TFR2: variants seen among roughly 807,000 people sequenced by gnomAD.
TFR2 encodes transferrin receptor 2, also known as transferrin receptor protein 2.
TFR2 carries 64 observed loss-of-function variants against 91.9 expected under a neutral mutation model. The observed-to-expected ratio is 0.70, with a 90% CI of 0.57 to 0.86. The LOEUF is 0.86. Ranked by LOEUF, TFR2 falls within the 40% of genes least tolerant of loss-of-function variation. The probability of loss-of-function intolerance (pLI) is 0.00; values close to 1 mark genes in which losing one functional copy is unlikely to be tolerated. For missense variants in TFR2, 950 were observed against 1,080.5 expected (o/e 0.88, Z 1.69); for synonymous variants, 454 against 459.6 (o/e 0.99, Z 0.15).
At position 100,626,866 on chromosome 7, in the gene TFR2, C is replaced by G. The variant is rs786204108; in HGVS notation, c.2033G>C (p.Arg678Pro). Residue 678 changes from arginine to proline, a missense_variant, in exon 17 of 18, where the codon CGG (arginine) becomes CCG (proline). Physicochemically the swap from Arg to Pro is moderately radical, Grantham distance 103 (BLOSUM62 -2). Coordinates refer to ENST00000223051, the MANE Select transcript of TFR2 (RefSeq NM_003227.4). The stretch of plus-strand genomic sequence containing the variant: ...TTCCGCCGCCCGGATGTAGTCCCCC[C>G]GCGCCGAGTACACCCACTGCAGGGT... ...GLTLQWVYSA[R>P]GDYIRAAEKL... The G allele has an allele frequency of 7.8e-6, 12 of 1,547,720 alleles. No homozygotes were observed. The highest frequency in any genetic ancestry group is 2.0e-5 in the Admixed American group (1 of 51,068).
intron 17 of TFR2, 85 bp downstream of exon 17, chr7:100,626,678 C>G: frequency 6.6e-7 from 1 of 1,515,504 alleles, no homozygotes; most frequent in Non-Finnish European, 8.8e-7. Flanking sequence ...GAGAGAGGAG[C>G]GCGCAGACGG....
intron 10 of TFR2, among the ~76,000 whole-genome samples, 169 bp from the exon 11 acceptor site, chr7:100,628,475 A>G (rs1042725482): frequency 6.7e-6 from 1 of 149,784 alleles, no homozygotes; most frequent in African/African-American, 2.5e-5. Context: ...TCATGGCTCA[A>G]TGTAGCCTTG....
Position 100,627,627 on chromosome 7 carries a change from A to T in TFR2, c.1717T>A (p.Ser573Thr). 6.2e-7 allele frequency: 1 copy of T among 1,614,138 alleles called. No homozygotes were observed. The highest frequency in any genetic ancestry group is 8.5e-7 in the Non-Finnish European group (1 of 1,180,002). The change falls in exon 15 of 18, where the codon TCC becomes ACC. Residue 573 changes from serine to threonine, a missense_variant. Physicochemically the swap from Ser to Thr is moderately conservative, Grantham distance 58. Transcript: ENST00000223051. ...RPLPMDSSAY[S>T]FTAFVGVPAV... ...GGGACTCCCACAAAGGCCGTGAAGG[A>T]ATAGGCACTGCTGTCCATGGGTAGG... is the stretch of plus-strand genomic sequence containing the variant.
Position 100,629,368 on chromosome 7 carries a change from G to A in TFR2, c.1275C>T (p.His425=), listed in dbSNP as rs746034002. The A allele has an allele frequency of 5.6e-6, 9 of 1,613,824 alleles. No individual in the cohort carries two copies. In the African/African-American group the frequency reaches 1.2e-4, roughly 22 times the overall value. ...GCIEGRSEPD[H]YVVIGAQRDA... is the part of the protein sequence containing the mutation. ...CCCTCTGGGCCCCGATGACAACGTA[G>A]TGATCTGGGGAGGGGATGTTTGGGA... Residue 425 remains histidine, a synonymous_variant, in exon 10 of 18, where the codon CAC becomes CAT. Transcript: ENST00000223051.
rs987977631 is a variant in TFR2 at position 100,628,115 on chromosome 7, G to C, written c.1495C>G (p.Leu499Val). 6.8e-6 allele frequency: 11 copies of C among 1,614,100 alleles called. No homozygotes were observed. The highest frequency in any genetic ancestry group is 9.3e-6 in the Non-Finnish European group (11 of 1,180,006). Residue 499 changes from leucine (L) to valine (V), a missense_variant, in exon 12 of 18, where the codon CTC becomes GTC. Leu to Val is a conservative substitution (Grantham distance 32). Coordinates refer to ENST00000223051, the MANE Select transcript of TFR2 (RefSeq NM_003227.4). The stretch of plus-strand genomic sequence containing the variant: ...AGGCTCACGTACACTACGGCTTTGA[G>C]GTGCAGCACGCTGAGGTAGCCCTGT... Reference protein sequence around the residue: ...WLEGYLSVLHLKAVVYVSLDN... With the variant: ...WLEGYLSVLHVKAVVYVSLDN...
At chr7:100,632,765 A>C (rs1803484028) in intron 6 of TFR2, 2 of 287,162 alleles carry the variant, frequency 7.0e-6, no homozygotes, top group Admixed American at 5.0e-5. Flanking sequence ...TTTTTAGTAG[A>C]GAGGGGGTTC....
rs762216388 is a variant in TFR2 at position 100,629,364 on chromosome 7, C to T, written c.1279G>A (p.Val427Ile). 102 of 1,613,834 alleles carry T rather than the reference C, an allele frequency of 6.3e-5. No individual in the cohort carries two copies. Among genetic ancestry groups the T allele is most frequent in the Admixed American group, 8.3e-5 (5 of 59,992 alleles). Reference sequence around the variant, plus strand: ...GCATCCCTCTGGGCCCCGATGACAACGTAGTGATCTGGGGAGGGGATGTTT... The same window carrying T: ...GCATCCCTCTGGGCCCCGATGACAATGTAGTGATCTGGGGAGGGGATGTTT... Reference protein sequence around the residue: ...IEGRSEPDHYVVIGAQRDAWG... With the variant: ...IEGRSEPDHYIVIGAQRDAWG... The change falls in exon 10 of 18, where the codon GTT becomes ATT. Residue 427 changes from valine to isoleucine, a missense_variant. Physicochemically the swap from Val to Ile is conservative, Grantham distance 29. Coordinates refer to ENST00000223051, the MANE Select transcript of TFR2 (RefSeq NM_003227.4).
In TFR2 at chr7:100,621,178, A is replaced by AAG. The variant is rs995584866; in HGVS notation, c.2137-54_2137-53dup. 1.0e-5 allele frequency: 15 copies of AAG among 1,442,374 alleles called. No homozygotes were observed. In the Admixed American group the frequency reaches 2.0e-4, roughly 19 times the overall value. The allele number at this position is 1,442,374 out of a possible 1,614,324, so 89.3% of individuals were successfully genotyped here. On this transcript the variant is annotated intron_variant, in intron 17 of 17. Transcript: ENST00000223051. The stretch of plus-strand genomic sequence containing the variant: ...GGTTGGGGGCTCTGGCTCGGGAGCA[A>AAG]AGGCCCGAGTCACCCTTCCCGCCAG...
chr7:100,630,605 A>G (rs1006339740), intron 9 of TFR2, among the ~76,000 whole-genome samples: 4 of 152,128 alleles, frequency 2.6e-5, no homozygotes, highest in African/African-American at 9.7e-5. Context: ...TTGAGTTTCT[A>G]TTACAACATC....
At position 100,634,275 on chromosome 7, in the gene TFR2, C is replaced by T. The variant is rs189750127; in HGVS notation, c.474-719G>A. 4.1e-3 allele frequency among the ~76,000 whole-genome samples: 625 copies of T among 151,968 alleles called. 3 individuals carry two copies. The highest frequency in any genetic ancestry group is 0.013 in the African/African-American group (519 of 41,440). ...AACTGGGCAGGCAGCAGACCCTCCT[C>T]ATCTCCCCCATCCTCCACGTGGGCC... On this transcript the variant is annotated intron_variant, in intron 3 of 17. Coordinates refer to ENST00000223051, the MANE Select transcript of TFR2 (RefSeq NM_003227.4).
At chr7:100,634,898 A>G (rs1803545091) in intron 3 of TFR2, among the ~76,000 whole-genome samples, 1 of 152,102 alleles carries the variant, frequency 6.6e-6, no homozygotes, top group Non-Finnish European at 1.5e-5. Flanking sequence ...GATCCTGGTT[A>G]TAGTCTTTCT....
intron 3 of TFR2, among the ~76,000 whole-genome samples, chr7:100,637,549 A>C (rs1308394648): frequency 6.6e-6 from 1 of 152,198 alleles, no homozygotes; most frequent in Non-Finnish European, 1.5e-5. Context: ...AGCTAAGATC[A>C]TGCCACTGTA....
At chr7:100,632,558 T>C (rs1803473938) in intron 6 of TFR2, among the ~76,000 whole-genome samples, 1 of 145,530 alleles carries the variant, frequency 6.9e-6, no homozygotes, top group African/African-American at 2.6e-5. Context: ...TCTCTTTTTT[T>C]TTTTTTTCTT....
intron 9 of TFR2, 29 bp from the exon 10 acceptor site, chr7:100,629,401 C>G: frequency 6.2e-7 from 1 of 1,613,052 alleles, no homozygotes; most frequent in Non-Finnish European, 8.5e-7. Flanking sequence ...GGACCCACTT[C>G]TGACACTGCA....
At position 100,627,278 on chromosome 7, in the gene TFR2, A is replaced by C. The variant is rs1310903335; in HGVS notation, c.1981T>G (p.Ser661Ala). Reference sequence around the variant, plus strand: ...GCCTCTTGAACCTTGAGGTCCCCAGAGAACTCGTTGAGGTTCCCGATGTGC... The same window carrying C: ...GCCTCTTGAACCTTGAGGTCCCCAGCGAACTCGTTGAGGTTCCCGATGTGC... ...LRHIGNLNEF[S>A]GDLKARGLTL... The change falls in exon 16 of 18, where the codon TCT becomes GCT. Residue 661 changes from serine to alanine, a missense_variant. By Grantham distance (99) the Ser-to-Ala change is moderately conservative. Transcript: ENST00000223051. 1 of 1,549,096 alleles carries C rather than the reference A, an allele frequency of 6.5e-7. No individual in the cohort carries two copies. The highest frequency in any genetic ancestry group is 2.0e-5 in the Admixed American group (1 of 50,964).
chr7:100,625,614 T>C (rs1317906031), intron 17 of TFR2, among the ~76,000 whole-genome samples: 3 of 152,090 alleles, frequency 2.0e-5, no homozygotes, highest in Admixed American at 2.0e-4. Context: ...CCAGGTTCAG[T>C]AGCTCACGCC....
chr7:100,623,622 A>G (rs921760043), intron 17 of TFR2, among the ~76,000 whole-genome samples: 14 of 152,084 alleles, frequency 9.2e-5, no homozygotes, highest in Non-Finnish European at 1.5e-4. Context: ...CTACAAAAAT[A>G]AAAATAAAAA....
chr7:100,637,511 C>G (rs1333573486), intron 3 of TFR2, among the ~76,000 whole-genome samples: 3 of 151,950 alleles, frequency 2.0e-5, no homozygotes, highest in Non-Finnish European at 4.4e-5. Context: ...CAAAAATCAC[C>G]TGAAGCCGGG....
chr7:100,630,342 TG>T (rs1803399768), intron 9 of TFR2, among the ~76,000 whole-genome samples: 1 of 151,950 alleles, frequency 6.6e-6, no homozygotes, highest in African/African-American at 2.4e-5. Context: ...CAGGCTGGAG[TG>T]CAATGGCACA....
Sources: gnomAD v4.1 joint callset for allele counts (sites outside exome capture counted in the v4.1 genomes callset) on GRCh38, gnomAD v4.1.1 for gene constraint, MANE v1.5 for transcripts, NCBI Gene and HGNC (gene_info 2026-07-23, HGNC 2026-07-21) for gene names.